PTN: variants seen among roughly 807,000 people sequenced by gnomAD.
PTN encodes the protein pleiotrophin, also known as heparin affin regulatory protein.
In PTN, 18 loss-of-function variants were observed where a neutral mutation model predicts 24.1. The observed-to-expected ratio is 0.75, with a 90% confidence interval of 0.52 to 1.11. PTN has a LOEUF of 1.11. PTN is among the 50% of genes least tolerant of loss of function. PTN has a pLI of 0.00. For missense variants in PTN, 163 were observed against 198.8 expected (o/e 0.82, Z 1.08); for synonymous variants, 78 against 68.6 (o/e 1.14, Z -0.67).
intron 4 of PTN, 22 bp downstream of exon 4, chr7:137,251,208 T>C (rs755949211): frequency 6.2e-7 from 1 of 1,610,734 alleles, no homozygotes. Context: ...ATTAAAATTG[T>C]GGTATAATGG....
intron 1 of PTN, among the ~76,000 whole-genome samples, chr7:137,309,117 C>T (rs1809937113): frequency 6.6e-6 from 1 of 152,172 alleles, no homozygotes; most frequent in Non-Finnish European, 1.5e-5. Context: ...CTTGGAGATA[C>T]TGCACATTGG....
intron 1 of PTN, among the ~76,000 whole-genome samples, chr7:137,316,938 C>T (rs1159500091): frequency 1.3e-5 from 2 of 152,136 alleles, no homozygotes; most frequent in Non-Finnish European, 2.9e-5. Flanking sequence ...TCCCAGGCCC[C>T]TTAGTGGAAC....
intron 1 of PTN, among the ~76,000 whole-genome samples, chr7:137,269,651 TG>T (rs1490370071): frequency 9.7e-5 from 14 of 143,826 alleles, no homozygotes; most frequent in Non-Finnish European, 1.7e-4. Context: ...TTTTTTTTTT[TG>T]AGACGGAATC....
At position 137,313,842 on chromosome 7, in the gene PTN, A is replaced by G. The variant is rs116721865; in HGVS notation, c.-2+29597T>C. 6.6e-3 allele frequency among the ~76,000 whole-genome samples: 1,003 copies of G among 152,256 alleles called. 8 individuals are homozygous for G. Among genetic ancestry groups the G allele is most frequent in the African/African-American group, 0.023 (968 of 41,544 alleles). On this transcript the variant is annotated intron_variant, in intron 1 of 4. Coordinates refer to ENST00000348225, the MANE Select transcript of PTN (RefSeq NM_002825.7). ...CTTCATTTAATCCACTTAGAAATTC[A>G]AAAGAACGTATACCTTCTTGGAATT...
chr7:137,291,572 T>G (rs1018316003), intron 1 of PTN, among the ~76,000 whole-genome samples: 1 of 151,934 alleles, frequency 6.6e-6, no homozygotes, highest in Non-Finnish European at 1.5e-5. Flanking sequence ...TGCCTACGGG[T>G]CTCTCATTGT....
chr7:137,337,510 A>G (rs1014970540), intron 1 of PTN, among the ~76,000 whole-genome samples: 2 of 152,240 alleles, frequency 1.3e-5, no homozygotes, highest in Admixed American at 6.5e-5. Context: ...CCTTATAGCT[A>G]CATAGAAGTT....
At chr7:137,334,690 T>C (rs1810417109) in intron 1 of PTN, among the ~76,000 whole-genome samples, 1 of 143,292 alleles carries the variant, frequency 7.0e-6, no homozygotes, top group African/African-American at 2.6e-5. Flanking sequence ...ATCCCATTAC[T>C]GGGTATATAC....
intron 1 of PTN, among the ~76,000 whole-genome samples, chr7:137,296,571 A>T (rs959679814): frequency 2.6e-5 from 4 of 151,994 alleles, no homozygotes; most frequent in Non-Finnish European, 5.9e-5. Flanking sequence ...AGGCTCTATT[A>T]AAAAACTACT....
chr7:137,232,793 G>A (rs1368619868), intron 4 of PTN, among the ~76,000 whole-genome samples: 2 of 151,890 alleles, frequency 1.3e-5, no homozygotes, highest in Admixed American at 6.6e-5. Flanking sequence ...GGATCATGGC[G>A]GCAGTTTCCC....
intron 1 of PTN, among the ~76,000 whole-genome samples, chr7:137,289,059 C>T (rs758112046): frequency 2.6e-5 from 4 of 151,996 alleles, no homozygotes; most frequent in Non-Finnish European, 5.9e-5. Flanking sequence ...AATCACCTTG[C>T]GAAGTAGGTA....
chr7:137,286,199 TAA>T (rs1435026127), intron 1 of PTN, among the ~76,000 whole-genome samples: 2 of 152,186 alleles, frequency 1.3e-5, no homozygotes, highest in African/African-American at 4.8e-5. Context: ...TTAAGATAGA[TAA>T]AGTCATTGAG....
intron 1 of PTN, among the ~76,000 whole-genome samples, chr7:137,300,980 A>G (rs1426522841): frequency 6.6e-6 from 1 of 151,904 alleles, no homozygotes; most frequent in African/African-American, 2.4e-5. Flanking sequence ...ATTCCCATTC[A>G]TTCCCCATTC....
intron 1 of PTN, among the ~76,000 whole-genome samples, chr7:137,261,637 A>G (rs1221301278): frequency 6.6e-6 from 1 of 152,222 alleles, no homozygotes. Context: ...AATTTATTTG[A>G]TCACATTTTT....
In PTN at chr7:137,253,630, T is replaced by C; in HGVS notation, c.123A>G (p.Lys41=). The C allele has an allele frequency of 6.5e-7, 1 of 1,537,888 alleles. No individual in the cohort carries two copies. The highest frequency in any genetic ancestry group is 1.4e-5 in the African/African-American group (1 of 72,942). Residue 41 remains lysine, a synonymous_variant, in exon 3 of 5, where the codon AAA becomes AAG. Transcript: ENST00000348225. ...EAGKKEKPEK[K]VKKSDCGEWQ... ...ATTCTCCACAGTCAGACTTCTTCAC[T>C]TTTTTTTCTGAATGAAAGGAGGAAA...
At chr7:137,234,279 G>A (rs542963980) in intron 4 of PTN, among the ~76,000 whole-genome samples, 1 of 151,806 alleles carries the variant, frequency 6.6e-6, no homozygotes, top group African/African-American at 2.4e-5. Flanking sequence ...TATAAATAAT[G>A]ATGCAATGCT....
In PTN at chr7:137,240,452, A is replaced by G. The variant is rs571168430; in HGVS notation, c.451+10778T>C. On this transcript the variant is annotated intron_variant, in intron 4 of 4. Transcript: ENST00000348225. The stretch of plus-strand genomic sequence containing the variant: ...GCTTCTCCTACTACACTGTAAGACC[A>G]GTAAGGTCATTAATTTATCCCTGGT... 6.6e-5 allele frequency among the ~76,000 whole-genome samples: 10 copies of G among 152,352 alleles called. No homozygotes were observed. The South Asian group carries it at 1.2e-3, about 19-fold the overall frequency.
chr7:137,313,691 A>G (rs757010749), intron 1 of PTN, among the ~76,000 whole-genome samples: 3 of 152,230 alleles, frequency 2.0e-5, no homozygotes, highest in Admixed American at 1.3e-4. Flanking sequence ...AATTCACACT[A>G]AGATTTTAAA....
In PTN at chr7:137,312,607, T is replaced by G. The variant is rs558586589; in HGVS notation, c.-2+30832A>C. On this transcript the variant is annotated intron_variant, in intron 1 of 4. Coordinates refer to ENST00000348225, the MANE Select transcript of PTN (RefSeq NM_002825.7). ...TTTTTCTTTACCATTCCTCCACCCC[T>G]CTCTCATATTTATTGAAAAATGTGA... Among the ~76,000 whole-genome samples the G allele has an allele frequency of 7.1e-4, 108 of 152,282 alleles. 1 individual carries two copies. Among genetic ancestry groups the G allele is most frequent in the African/African-American group, 2.5e-3 (105 of 41,552 alleles).
chr7:137,257,359 G>A (rs552797979), intron 1 of PTN, among the ~76,000 whole-genome samples: 1 of 152,276 alleles, frequency 6.6e-6, no homozygotes, highest in South Asian at 2.1e-4. Flanking sequence ...CCTCATGAAT[G>A]GTCACGCAGA....
Sources: allele counts gnomAD v4.1 joint callset (sites outside exome capture counted in the v4.1 genomes callset), GRCh38; gene constraint gnomAD v4.1.1; transcripts MANE v1.5; gene names NCBI Gene and HGNC (gene_info 2026-07-23, HGNC 2026-07-21).